The following VWA3A variants were observed in gnomAD, a reference collection of about 807,000 sequenced individuals.
The protein encoded by VWA3A is von Willebrand factor A domain-containing protein 3A.
VWA3A carries 134 observed loss-of-function variants against 160.4 expected under a neutral mutation model. The ratio of observed to expected loss-of-function variants is 0.84; its 90% confidence interval spans 0.73 to 0.96. The LOEUF (loss-of-function observed/expected upper bound fraction) is 0.96. Among genes scored for constraint, VWA3A ranks in the 40% least tolerant of loss-of-function variants. The pLI, the probability that VWA3A is intolerant of heterozygous loss-of-function variation, is 0.00. For missense variants in VWA3A, 1,310 were observed against 1,447.9 expected, an observed-to-expected ratio of 0.90 and a Z score of 1.55; for synonymous variants, 476 against 543.4, an observed-to-expected ratio of 0.88 and a Z score of 1.72.
intron 7 of VWA3A, 101 bp downstream of exon 7, chr16:22,109,681 AG>A: frequency 1.0e-6 from 1 of 955,754 alleles, no homozygotes; most frequent in Admixed American, 2.0e-5. Context: ...AATGCAAGAT[AG>A]GGTGTCTTAT....
chr16:22,122,127 G>GGATA (rs1365846782), intron 14 of VWA3A, among the ~76,000 whole-genome samples: 4 of 140,708 alleles, frequency 2.8e-5, no homozygotes, highest in Admixed American at 8.5e-5. Flanking sequence ...AATGATGGAT[G>GGATA]GATGGATGGA....
intron 1 of VWA3A, among the ~76,000 whole-genome samples, chr16:22,094,404 T>C (rs1395891459): frequency 6.6e-6 from 1 of 151,950 alleles, no homozygotes; most frequent in Non-Finnish European, 1.5e-5. Flanking sequence ...GATTAAAGAC[T>C]TGAAAGAGAA....
chr16:22,141,014 C>T (rs985809188), intron 23 of VWA3A, among the ~76,000 whole-genome samples: 5 of 152,100 alleles, frequency 3.3e-5, no homozygotes, highest in Non-Finnish European at 5.9e-5. Flanking sequence ...TAAGATTGTC[C>T]CATTTAAAGC....
intron 19 of VWA3A, 54 bp downstream of exon 19, chr16:22,131,783 C>T (rs2045954249): frequency 1.3e-6 from 2 of 1,560,308 alleles, no homozygotes; most frequent in Admixed American, 1.9e-5. Context: ...CATCCGTCTT[C>T]CCCCAGGTGG....
In VWA3A at chr16:22,133,184, GA is replaced by G. The variant is rs1399895998; in HGVS notation, c.2068+93del. 5.8e-6 allele frequency: 8 copies of G among 1,382,482 alleles called. No individual in the cohort carries two copies. The African/African-American group carries it at 1.2e-4, about 20-fold the overall frequency. The allele number at this position is 1,382,482 out of a possible 1,614,324, so 85.6% of individuals were successfully genotyped here. ...TCCCTTAGACCACAGATGTATTCCA[GA>G]AAAGCAGCTTGTGAAAATCACATTT... On this transcript the variant is annotated intron_variant, in intron 20 of 33. Coordinates refer to ENST00000389398, the MANE Select transcript of VWA3A (RefSeq NM_173615.5).
intron 6 of VWA3A, among the ~76,000 whole-genome samples, chr16:22,104,681 A>G (rs955941109): frequency 1.3e-5 from 2 of 148,790 alleles, no homozygotes; most frequent in Non-Finnish European, 3.0e-5. Flanking sequence ...CTTGTCTTTT[A>G]AAAAAAAAAA....
In VWA3A at chr16:22,132,822, G is replaced by A. The variant is rs544316373; in HGVS notation, c.1873-78G>A. The A allele has an allele frequency of 9.8e-6, 14 of 1,433,224 alleles. No homozygotes were observed. In the African/African-American group the frequency reaches 1.7e-4, roughly 17 times the overall value. 88.8% of individuals were successfully genotyped at this position (1,433,224 alleles called of 1,614,324 possible). On this transcript the variant is annotated intron_variant, in intron 19 of 33. Coordinates refer to ENST00000389398, the MANE Select transcript of VWA3A (RefSeq NM_173615.5). ...ACAGAGAAGGCCCTGGAGAAACATGGCCAGGCTGGGCTGCCCAGAGCCCCA... is the reference window on the plus strand; with the variant it reads ...ACAGAGAAGGCCCTGGAGAAACATGACCAGGCTGGGCTGCCCAGAGCCCCA...
intron 26 of VWA3A, among the ~76,000 whole-genome samples, chr16:22,145,144 A>C (rs1011492535): frequency 1.3e-5 from 2 of 152,110 alleles, no homozygotes; most frequent in Non-Finnish European, 2.9e-5. Flanking sequence ...ACAGAATGAA[A>C]ATCTGATCAT....
chr16:22,135,388 G>T (rs2046021421), intron 21 of VWA3A, among the ~76,000 whole-genome samples: 1 of 152,120 alleles, frequency 6.6e-6, no homozygotes, highest in South Asian at 2.1e-4. Flanking sequence ...AATCAGATTA[G>T]ATTAAGGACC....
intron 30 of VWA3A, 104 bp downstream of exon 30, chr16:22,150,950 C>A (rs181524945): frequency 7.4e-7 from 1 of 1,350,808 alleles, no homozygotes. Context: ...CACTTAGACA[C>A]GGGTTTCTCC....
At chr16:22,153,471 T>C (rs989297783) in intron 31 of VWA3A, among the ~76,000 whole-genome samples, 1 of 152,308 alleles carries the variant, frequency 6.6e-6, no homozygotes, top group Non-Finnish European at 1.5e-5. Context: ...TTCAATTCAT[T>C]GAAATACAGA....
At chr16:22,104,262 T>C (rs1320061816) in intron 6 of VWA3A, among the ~76,000 whole-genome samples, 1 of 151,652 alleles carries the variant, frequency 6.6e-6, no homozygotes, top group Non-Finnish European at 1.5e-5. Flanking sequence ...CCTAGGTAGG[T>C]GGATCACCTG....
intron 16 of VWA3A, among the ~76,000 whole-genome samples, chr16:22,125,160 T>C (rs1286001832): frequency 1.3e-5 from 2 of 151,446 alleles, no homozygotes; most frequent in Non-Finnish European, 2.9e-5. Context: ...GGAGGATCAC[T>C]TGAGGCCAGG....
rs1267449020 is a variant in VWA3A at position 22,117,106 on chromosome 16, T to A, written c.925-5T>A. The A allele has an allele frequency of 1.3e-6, 2 of 1,577,404 alleles. No homozygotes were observed. Among genetic ancestry groups the A allele is most frequent in the Non-Finnish European group, 1.7e-6 (2 of 1,161,174 alleles). On this transcript the variant is annotated splice_polypyrimidine_tract_variant and splice_region_variant and intron_variant, in intron 10 of 33. Coordinates refer to ENST00000389398, the MANE Select transcript of VWA3A (RefSeq NM_173615.5). ...TGAGGCCTGACCCTGGCCTCATCCC[T>A]GCAGGCTGTCCTGAAGAACCTTGCA...
At chr16:22,100,371 C>A in intron 4 of VWA3A, 45 bp from the exon 5 acceptor site, 1 of 1,551,616 alleles carries the variant, frequency 6.4e-7, no homozygotes, top group Non-Finnish European at 8.7e-7. Context: ...ACACATGCAA[C>A]CCCCTGGGCC....
intron 20 of VWA3A, 99 bp downstream of exon 20, chr16:22,133,194 T>C (rs1289303141): frequency 1.5e-6 from 2 of 1,333,830 alleles, no homozygotes; most frequent in East Asian, 5.1e-5. Context: ...GAAAAGCAGC[T>C]TGTGAAAATC....
intron 8 of VWA3A, among the ~76,000 whole-genome samples, chr16:22,112,234 T>C (rs1418696226): frequency 6.6e-6 from 1 of 152,210 alleles, no homozygotes; most frequent in African/African-American, 2.4e-5. Flanking sequence ...GTGAAGGGAA[T>C]GTCCTCGATT....
In VWA3A at chr16:22,149,830, G is replaced by T. The variant is rs774054972; in HGVS notation, c.3028G>T (p.Asp1010Tyr). Reference sequence around the variant, plus strand: ...TGCAGAGAGCTTTCAGTCATGGCAGGACACGCTGGTGGAGACCACAGATGC... The same window carrying T: ...TGCAGAGAGCTTTCAGTCATGGCAGTACACGCTGGTGGAGACCACAGATGC... ...SFAESFQSWQ[D>Y]TLVETTDAAC... Residue 1010 changes from aspartate to tyrosine, a missense_variant, in exon 29 of 34, where the codon GAC (aspartate) becomes TAC (tyrosine). By Grantham distance (160) the Asp-to-Tyr change is radical. Coordinates refer to ENST00000389398, the MANE Select transcript of VWA3A (RefSeq NM_173615.5). 6.2e-7 allele frequency: 1 copy of T among 1,605,690 alleles called. No homozygotes were observed. Among genetic ancestry groups the T allele is most frequent in the South Asian group, 1.1e-5 (1 of 89,236 alleles).
intron 17 of VWA3A, among the ~76,000 whole-genome samples, chr16:22,129,602 G>A (rs948267953): frequency 6.6e-6 from 1 of 152,034 alleles, no homozygotes; most frequent in Non-Finnish European, 1.5e-5. Context: ...ACATTAAGAG[G>A]AGGAGGAGCT....
Sources: allele counts gnomAD v4.1 joint callset (sites outside exome capture counted in the v4.1 genomes callset), GRCh38; gene constraint gnomAD v4.1.1; transcripts MANE v1.5; gene names NCBI Gene and HGNC (gene_info 2026-07-23, HGNC 2026-07-21).